ST6GALNAC5: variants seen among roughly 807,000 people sequenced by gnomAD.
ST6GALNAC5 encodes the protein ST6 N-acetylgalactosaminide alpha-2,6-sialyltransferase 5.
Under a neutral mutation model 33.6 loss-of-function variants are expected in ST6GALNAC5, and 27 were observed. The observed-to-expected ratio is 0.80, with a 90% confidence interval of 0.59 to 1.11. The LOEUF is 1.11. ST6GALNAC5 is among the 50% of genes least tolerant of loss of function. The pLI is 0.00. For missense variants in ST6GALNAC5, 428 were observed against 454.0 expected (o/e 0.94, Z 0.52); for synonymous variants, 194 against 171.2 (o/e 1.13, Z -1.04).
intron 2 of ST6GALNAC5, among the ~76,000 whole-genome samples, chr1:76,989,296 T>C (rs1353350495): frequency 6.6e-6 from 1 of 152,040 alleles, no homozygotes; most frequent in Non-Finnish European, 1.5e-5. Context: ...TTTTTTTTCT[T>C]GGACTACACC....
chr1:76,924,545 T>G (rs1647066164), intron 2 of ST6GALNAC5, among the ~76,000 whole-genome samples: 1 of 152,140 alleles, frequency 6.6e-6, no homozygotes, highest in African/African-American at 2.4e-5. Flanking sequence ...AACCAGAATT[T>G]TTGCCTGTCA....
intron 2 of ST6GALNAC5, among the ~76,000 whole-genome samples, chr1:76,899,913 T>C (rs1341067284): frequency 6.6e-6 from 1 of 152,106 alleles, no homozygotes; most frequent in East Asian, 1.9e-4. Flanking sequence ...TGGAGCAAAA[T>C]GCAGGAGGAC....
chr1:76,991,895 C>T (rs1649746105), intron 2 of ST6GALNAC5, among the ~76,000 whole-genome samples: 1 of 151,954 alleles, frequency 6.6e-6, no homozygotes, highest in Non-Finnish European at 1.5e-5. Context: ...AATTCTCAAA[C>T]TTTTAAAATA....
intron 2 of ST6GALNAC5, among the ~76,000 whole-genome samples, chr1:76,944,877 G>A (rs1570695786): frequency 6.6e-6 from 1 of 150,844 alleles, no homozygotes; most frequent in East Asian, 2.0e-4. Flanking sequence ...TCAACTGAGG[G>A]AAAAAAAAAT....
intron 2 of ST6GALNAC5, among the ~76,000 whole-genome samples, chr1:76,984,342 G>A (rs547667692): frequency 4.6e-5 from 7 of 152,164 alleles, no homozygotes; most frequent in South Asian, 2.1e-4. Context: ...TATCACCATC[G>A]ATCCCACAGA....
intron 2 of ST6GALNAC5, among the ~76,000 whole-genome samples, chr1:76,919,697 A>G (rs1278937875): frequency 6.6e-6 from 1 of 152,192 alleles, no homozygotes; most frequent in Non-Finnish European, 1.5e-5. Flanking sequence ...GAACTAAGCT[A>G]AATTCCAAAG....
At chr1:77,009,848 C>A (rs1167484166) in intron 2 of ST6GALNAC5, among the ~76,000 whole-genome samples, 3 of 152,130 alleles carry the variant, frequency 2.0e-5, no homozygotes, top group Non-Finnish European at 4.4e-5. Context: ...ATGGAAAATA[C>A]TAAAATACTT....
chr1:76,897,656 T>C (rs1646762140), intron 2 of ST6GALNAC5, among the ~76,000 whole-genome samples: 1 of 152,084 alleles, frequency 6.6e-6, no homozygotes. Context: ...AAGGAGGCTT[T>C]GGATTGGGAA....
At chr1:76,928,931 T>C (rs1341034507) in intron 2 of ST6GALNAC5, among the ~76,000 whole-genome samples, 1 of 152,184 alleles carries the variant, frequency 6.6e-6, no homozygotes, top group East Asian at 1.9e-4. Flanking sequence ...CAAGGTAACA[T>C]TTAATGGATT....
At chr1:77,018,151 A>C (rs528950726) in intron 2 of ST6GALNAC5, among the ~76,000 whole-genome samples, 149 of 152,354 alleles carry the variant, frequency 9.8e-4, no homozygotes, top group Non-Finnish European at 1.6e-3. Flanking sequence ...GGGTTCACAA[A>C]ATAAAGAAAA....
At chr1:76,930,114 T>C (rs1374956778) in intron 2 of ST6GALNAC5, among the ~76,000 whole-genome samples, 3 of 152,154 alleles carry the variant, frequency 2.0e-5, no homozygotes, top group Non-Finnish European at 2.9e-5. Context: ...TGGAGGCACA[T>C]TGCTTCACTT....
intron 2 of ST6GALNAC5, among the ~76,000 whole-genome samples, chr1:77,016,527 C>A (rs977960912): frequency 6.6e-6 from 1 of 151,658 alleles, no homozygotes; most frequent in Non-Finnish European, 1.5e-5. Context: ...ATCCCCCAAC[C>A]CCCTGCCCCC....
chr1:77,011,021 C>T (rs1449413243), intron 2 of ST6GALNAC5, among the ~76,000 whole-genome samples: 1 of 152,198 alleles, frequency 6.6e-6, no homozygotes, highest in Non-Finnish European at 1.5e-5. Context: ...GATCCTTTTC[C>T]TTGAAGTCTG....
At chr1:77,016,062 C>T (rs1361807876) in intron 2 of ST6GALNAC5, among the ~76,000 whole-genome samples, 5 of 146,248 alleles carry the variant, frequency 3.4e-5, no homozygotes, top group Admixed American at 3.4e-4. Flanking sequence ...CCTTCATCTA[C>T]CCCCACATCC....
intron 2 of ST6GALNAC5, among the ~76,000 whole-genome samples, chr1:77,002,228 TG>T (rs1473975848): frequency 6.6e-6 from 1 of 152,214 alleles, no homozygotes; most frequent in Admixed American, 6.5e-5. Flanking sequence ...GGAGAGTGTA[TG>T]TGTCGAGGAA....
intron 2 of ST6GALNAC5, among the ~76,000 whole-genome samples, chr1:77,023,552 C>G (rs138989598): frequency 1.3e-5 from 2 of 152,082 alleles, no homozygotes; most frequent in African/African-American, 4.8e-5. Context: ...TCCAGAGCCA[C>G]TCAGAACTGC....
At chr1:76,873,794 T>G (rs928279057) in intron 2 of ST6GALNAC5, among the ~76,000 whole-genome samples, 11 of 152,236 alleles carry the variant, frequency 7.2e-5, no homozygotes, top group African/African-American at 2.4e-4. Context: ...GAAATGTTTT[T>G]AATCATCACA....
chr1:76,956,639 C>A (rs1370137585), intron 2 of ST6GALNAC5, among the ~76,000 whole-genome samples: 1 of 152,112 alleles, frequency 6.6e-6, no homozygotes, highest in Non-Finnish European at 1.5e-5. Flanking sequence ...GTCTGTCACT[C>A]CTGTCAGTGG....
intron 2 of ST6GALNAC5, among the ~76,000 whole-genome samples, chr1:76,977,757 G>A (rs1337581138): frequency 6.6e-6 from 1 of 151,938 alleles, no homozygotes; most frequent in Non-Finnish European, 1.5e-5. Flanking sequence ...CTATATCTTT[G>A]CTATTGTGAA....
Sources: allele counts gnomAD v4.1 joint callset (sites outside exome capture counted in the v4.1 genomes callset), GRCh38; gene constraint gnomAD v4.1.1; transcripts MANE v1.5; gene names NCBI Gene and HGNC (gene_info 2026-07-23, HGNC 2026-07-21).